The following PLCL2 variants were observed in gnomAD, a reference collection of about 807,000 sequenced individuals.
PLCL2 encodes phospholipase C like 2.
A neutral mutation model predicts 79.6 loss-of-function variants in PLCL2; 4 were observed. The ratio of observed to expected loss-of-function variants is 0.05; its 90% CI spans 0.02 to 0.11. The LOEUF (loss-of-function observed/expected upper bound fraction) is 0.11. PLCL2 is among the 10% of genes least tolerant of loss of function. PLCL2 has a pLI of 1.00. For missense variants in PLCL2, 895 were observed against 1,291.0 expected (o/e 0.69, Z 4.70); for synonymous variants, 484 against 457.7 (o/e 1.06, Z -0.73).
At chr3:17,047,381 A>AGCGTCGTTCCTCTTCTG (rs11267261) in intron 4 of PLCL2, among the ~76,000 whole-genome samples, 90,390 of 151,890 alleles carry the variant, frequency 0.6, 27,410 homozygotes, top group African/African-American at 0.71. Flanking sequence ...GGAGGATGAG[A>AGCGTCGTTCCTCTTCTG]GCAGGAGAAT....
intron 3 of PLCL2, among the ~76,000 whole-genome samples, chr3:17,026,818 G>T (rs542863238): frequency 6.6e-6 from 1 of 151,844 alleles, no homozygotes; most frequent in East Asian, 1.9e-4. Context: ...AGTGAGCTGA[G>T]ATCACACCAC....
intron 1 of PLCL2, among the ~76,000 whole-genome samples, chr3:16,955,041 T>C (rs1356794633): frequency 1.3e-5 from 2 of 152,234 alleles, no homozygotes; most frequent in African/African-American, 4.8e-5. Flanking sequence ...TTAGATCCCA[T>C]TTGTCAATTT....
chr3:16,999,164 G>GT (rs370875518), intron 1 of PLCL2, among the ~76,000 whole-genome samples: 10 of 151,670 alleles, frequency 6.6e-5, no homozygotes, highest in Middle Eastern at 3.4e-3. Context: ...TTGAGAAATG[G>GT]TTTTTTTTCC....
At chr3:16,940,075 A>G (rs1280948792) in intron 1 of PLCL2, among the ~76,000 whole-genome samples, 1 of 152,184 alleles carries the variant, frequency 6.6e-6, no homozygotes, top group African/African-American at 2.4e-5. Flanking sequence ...GACACATGAA[A>G]TGACAGGAAG....
intron 1 of PLCL2, among the ~76,000 whole-genome samples, chr3:16,954,004 T>C (rs572472766): frequency 9.9e-5 from 15 of 152,228 alleles, no homozygotes; most frequent in Non-Finnish European, 2.2e-4. Context: ...CAGTGACATA[T>C]ACATTTTTGT....
At chr3:16,935,281 A>G (rs143659449) in intron 1 of PLCL2, among the ~76,000 whole-genome samples, 1 of 152,042 alleles carries the variant, frequency 6.6e-6, no homozygotes, top group Non-Finnish European at 1.5e-5. Flanking sequence ...TAAGAGCTCT[A>G]TTACTCTTTA....
chr3:17,012,215 C>A, intron 2 of PLCL2, 55 bp downstream of exon 2: 1 of 1,469,784 alleles, frequency 6.8e-7, no homozygotes, highest in South Asian at 1.4e-5. Context: ...TGTACATGTC[C>A]ATAGTTTATA....
Position 17,012,028 on chromosome 3 carries a change from T to C in PLCL2, c.2682T>C (p.Leu894=), listed in dbSNP as rs939038200. The change falls in exon 2 of 6, where the codon CTT becomes CTC. Residue 894 remains leucine, a synonymous_variant. Coordinates refer to ENST00000615277, the MANE Select transcript of PLCL2 (RefSeq NM_001144382.2). ...RGGGKPHKRG[L]SVRKGKKSRE... ...GAGGAAAGCCTCATAAAAGGGGCCTTTCTGTGAGAAAAGGGAAGAAATCCA... is the reference window on the plus strand; with the variant it reads ...GAGGAAAGCCTCATAAAAGGGGCCTCTCTGTGAGAAAAGGGAAGAAATCCA... The C allele has an allele frequency of 6.2e-7, 1 of 1,614,082 alleles. No homozygotes were observed. Among genetic ancestry groups the C allele is most frequent in the Non-Finnish European group, 8.5e-7 (1 of 1,180,030 alleles).
Position 17,014,926 on chromosome 3 carries a change from G to A in PLCL2, c.3018+15G>A, listed in dbSNP as rs898041995. 3 of 1,604,068 alleles carry A rather than the reference G, an allele frequency of 1.9e-6. No individual in the cohort carries two copies. Among genetic ancestry groups the A allele is most frequent in the Non-Finnish European group, 2.6e-6 (3 of 1,171,686 alleles). On this transcript the variant is annotated intron_variant, in intron 3 of 5. Coordinates refer to ENST00000615277, the MANE Select transcript of PLCL2 (RefSeq NM_001144382.2). ...CTTATGACATGGTGAGTTGTCCTTT[G>A]TCCGTTTACATAGCCTGGGTGAGAG...
intron 1 of PLCL2, among the ~76,000 whole-genome samples, chr3:17,002,614 G>T (rs2064222089): frequency 6.6e-6 from 1 of 152,010 alleles, no homozygotes; most frequent in Non-Finnish European, 1.5e-5. Context: ...GTTTGATCCT[G>T]CTTGAGCTTC....
intron 1 of PLCL2, among the ~76,000 whole-genome samples, chr3:16,910,689 A>G (rs952684842): frequency 2.6e-5 from 4 of 152,038 alleles, no homozygotes; most frequent in African/African-American, 9.7e-5. Context: ...TGATCCAAGC[A>G]TATATGTCCT....
chr3:16,903,419 G>T (rs7638341), intron 1 of PLCL2, among the ~76,000 whole-genome samples: 15 of 152,236 alleles, frequency 9.9e-5, no homozygotes, highest in African/African-American at 3.4e-4. Flanking sequence ...GTTCCTGTTC[G>T]ACAGGCACTG....
chr3:17,068,336 T>C (rs961436038), intron 5 of PLCL2, among the ~76,000 whole-genome samples: 1 of 152,226 alleles, frequency 6.6e-6, no homozygotes, highest in African/African-American at 2.4e-5. Flanking sequence ...CCTTGAGACA[T>C]TTTAAAGTTC....
intron 3 of PLCL2, among the ~76,000 whole-genome samples, chr3:17,015,534 AAG>A (rs1389904456): frequency 6.6e-6 from 1 of 152,152 alleles, no homozygotes; most frequent in East Asian, 1.9e-4. Context: ...TCATAACTCT[AAG>A]AGAGAATTTA....
intron 1 of PLCL2, chr3:16,932,948 A>G (rs1287167794): frequency 3.9e-5 from 6 of 151,936 alleles, no homozygotes; most frequent in African/African-American, 1.5e-4. Context: ...TTTATTTTCT[A>G]ATATTATGGG....
intron 1 of PLCL2, among the ~76,000 whole-genome samples, chr3:16,972,529 C>T (rs928549221): frequency 7.9e-5 from 12 of 152,004 alleles, no homozygotes; most frequent in East Asian, 3.8e-4. Context: ...GTTCAAGTTC[C>T]GAATATCTTT....
At chr3:17,047,355 G>A (rs1029582705) in intron 4 of PLCL2, among the ~76,000 whole-genome samples, 14 of 152,050 alleles carry the variant, frequency 9.2e-5, no homozygotes, top group Non-Finnish European at 1.6e-4. Flanking sequence ...AGGCAGAGGT[G>A]ATGCCTGCAT....
At chr3:17,043,798 A>G (rs1452963111) in intron 4 of PLCL2, among the ~76,000 whole-genome samples, 4 of 152,150 alleles carry the variant, frequency 2.6e-5, no homozygotes, top group Non-Finnish European at 5.9e-5. Context: ...ATATCTATTG[A>G]AAGAGTATTC....
At chr3:17,051,439 T>C (rs1057182737) in intron 4 of PLCL2, among the ~76,000 whole-genome samples, 15 of 152,062 alleles carry the variant, frequency 9.9e-5, no homozygotes, top group Admixed American at 7.2e-4. Context: ...GCTATGCACC[T>C]ATAAAAATTT....
Sources: allele counts gnomAD v4.1 joint callset (sites outside exome capture counted in the v4.1 genomes callset), GRCh38; gene constraint gnomAD v4.1.1; transcripts MANE v1.5; gene names NCBI Gene and HGNC (gene_info 2026-07-23, HGNC 2026-07-21).